Variants in AIMP2 observed in about 807,000 individuals in gnomAD.
AIMP2 encodes aminoacyl tRNA synthetase complex interacting multifunctional protein 2.
Under a neutral mutation model 23.4 loss-of-function variants are expected in AIMP2, and 20 were observed. The observed-to-expected ratio is 0.85, with a 90% confidence interval of 0.60 to 1.24. The LOEUF (loss-of-function observed/expected upper bound fraction) is 1.24. Ranked by LOEUF, AIMP2 falls within the 50% of genes most tolerant of loss-of-function variation. AIMP2 has a pLI of 0.00. For synonymous variants in AIMP2, 210 were observed against 170.4 expected (o/e 1.23, Z -1.81); for missense variants, 515 against 414.5 (o/e 1.24, Z -2.10).
chr7:6,011,150 T>C (rs1414883994), intron 1 of AIMP2, among the ~76,000 whole-genome samples: 1 of 152,188 alleles, frequency 6.6e-6, no homozygotes, highest in Non-Finnish European at 1.5e-5. Flanking sequence ...CTGCAGTGAA[T>C]ACTCTTATAC....
At chr7:6,022,077 TATC>T (rs1333253640) in intron 3 of AIMP2, among the ~76,000 whole-genome samples, 1 of 151,898 alleles carries the variant, frequency 6.6e-6, no homozygotes, top group Non-Finnish European at 1.5e-5. Context: ...GTAAATTCAT[TATC>T]ATTTTCTTTT....
rs1490385831 is a variant in AIMP2 at position 6,009,290 on chromosome 7, C to T, written c.-74C>T. 1.4e-5 allele frequency: 22 copies of T among 1,608,622 alleles called. No homozygotes were observed. The Admixed American group carries it at 3.5e-4, about 26-fold the overall frequency. On this transcript the variant is annotated 5_prime_UTR_variant, in exon 1 of 4. Transcript: ENST00000223029. ...CAGGGTCAGAAGGGAGGTGGCCGGT[C>T]TCCGTCGTGACCTCTGACGGTTTCT...
chr7:6,015,015 C>T (rs778087680), intron 1 of AIMP2, 131 bp from the exon 2 acceptor site: 2 of 1,533,100 alleles, frequency 1.3e-6, no homozygotes, highest in Non-Finnish European at 1.8e-6. Context: ...CCACCACACC[C>T]AGCCCATAAT....
chr7:6,023,679 G>T lies in AIMP2; in HGVS notation c.951G>T (p.Lys317Asn). 6.2e-7 allele frequency: 1 copy of T among 1,614,136 alleles called. No individual in the cohort carries two copies. The highest frequency in any genetic ancestry group is 8.5e-7 in the Non-Finnish European group (1 of 1,180,022). Residue 317 changes from lysine (K) to asparagine (N), a missense_variant, in exon 4 of 4, where the codon AAG becomes AAT. Transcript: ENST00000223029. ...ENLAPFNTAL[K>N]LLK ...TGGCTCCTTTTAACACGGCCCTCAA[G>T]CTCCTTAAGTGAATTGCCGTAACTG...
In AIMP2 at chr7:6,009,976, T is replaced by TTA. The variant is rs1583441847; in HGVS notation, c.135+478_135+479insTA. On this transcript the variant is annotated intron_variant, in intron 1 of 3. Coordinates refer to ENST00000223029, the MANE Select transcript of AIMP2 (RefSeq NM_006303.4). ...AAAAAAAAAAAAAAAAAAAAAAAAA[T>TTA]ATATATATATATATATGTATGTATC... 6.5e-5 allele frequency among the ~76,000 whole-genome samples: 3 copies of TTA among 46,346 alleles called. No individual in the cohort carries two copies. The East Asian group carries it at 3.1e-3, about 48-fold the overall frequency. The allele number at this position is 46,346 out of a possible 152,430, so 30.4% of individuals were successfully genotyped here.
chr7:6,017,782 G>C (rs1024308605), intron 2 of AIMP2, 32 bp from the exon 3 acceptor site: 2 of 1,589,380 alleles, frequency 1.3e-6, no homozygotes, highest in African/African-American at 1.3e-5. Flanking sequence ...TCCGATGACT[G>C]TTATTCGTAC....
intron 3 of AIMP2, among the ~76,000 whole-genome samples, chr7:6,019,542 A>G (rs1052230359): frequency 6.6e-6 from 1 of 151,418 alleles, no homozygotes; most frequent in East Asian, 1.9e-4. Context: ...TCCATCGTGC[A>G]TTGCCATAAA....
At chr7:6,018,898 T>G (rs1298817487) in intron 3 of AIMP2, among the ~76,000 whole-genome samples, 1 of 151,848 alleles carries the variant, frequency 6.6e-6, no homozygotes, top group African/African-American at 2.4e-5. Context: ...AATATTTACA[T>G]ACTAGTCTAT....
rs766404549 is a variant in AIMP2 at position 6,015,325 on chromosome 7, G to T, written c.315G>T (p.Ala105=). 6.2e-7 allele frequency: 1 copy of T among 1,614,030 alleles called. No individual in the cohort carries two copies. The highest frequency in any genetic ancestry group is 1.3e-5 in the African/African-American group (1 of 74,924). The stretch of plus-strand genomic sequence containing the variant: ...AGCCCACGACTTTAACCACCAATGC[G>T]CTGGACTTGAATTCAGTGCTTGGGA... ...ADEPTTLTTN[A]LDLNSVLGKD... The change falls in exon 2 of 4, where the codon GCG becomes GCT. Residue 105 remains alanine, a synonymous_variant. Transcript: ENST00000223029.
intron 1 of AIMP2, 66 bp downstream of exon 1, chr7:6,009,564 C>CT: frequency 7.4e-7 from 1 of 1,344,700 alleles, no homozygotes; most frequent in Non-Finnish European, 9.5e-7. Flanking sequence ...CGGGTCCCCC[C>CT]AGGCCGGAGC....
chr7:6,018,146 C>CT (rs371698854), intron 3 of AIMP2, 101 bp downstream of exon 3: 48,106 of 579,792 alleles, frequency 0.083, 749 homozygotes, highest in African/African-American at 0.11. Flanking sequence ...TTTTCTTTTT[C>CT]TTTTTTTTTT....
intron 3 of AIMP2, among the ~76,000 whole-genome samples, chr7:6,021,320 CAG>C (rs1318394413): frequency 8.4e-6 from 1 of 118,440 alleles, no homozygotes; most frequent in East Asian, 2.4e-4. Flanking sequence ...GCCTGGGTGA[CAG>C]AGCAAGACTC....
At chr7:6,012,759 ATGT>A (rs1189015333) in intron 1 of AIMP2, 38 of 848,970 alleles carry the variant, frequency 4.5e-5, no homozygotes, top group East Asian at 8.5e-5. Flanking sequence ...GAGTTTCATC[ATGT>A]TGTCCTCTCG....
chr7:6,011,763 C>A (rs1786705965), intron 1 of AIMP2, among the ~76,000 whole-genome samples: 1 of 152,148 alleles, frequency 6.6e-6, no homozygotes. Context: ...CTGCACAGTC[C>A]CATGAAGCCA....
chr7:6,022,499 A>C (rs922464168), intron 3 of AIMP2: 1 of 152,140 alleles, frequency 6.6e-6, no homozygotes, highest in Non-Finnish European at 1.5e-5. Context: ...CATGGTTTTG[A>C]TAAGAGGCAG....
chr7:6,009,917 C>A (rs1313297294), intron 1 of AIMP2, among the ~76,000 whole-genome samples: 1 of 125,196 alleles, frequency 8.0e-6, no homozygotes, highest in Non-Finnish European at 1.6e-5. Flanking sequence ...CCATTGCACT[C>A]GAGCCTGGGC....
At chr7:6,019,112 C>G (rs1787221352) in intron 3 of AIMP2, among the ~76,000 whole-genome samples, 1 of 151,696 alleles carries the variant, frequency 6.6e-6, no homozygotes, top group African/African-American at 2.4e-5. Flanking sequence ...AATTTCACAG[C>G]CGCCTCCAGC....
At chr7:6,014,416 C>T (rs370345360) in intron 1 of AIMP2, among the ~76,000 whole-genome samples, 1 of 151,882 alleles carries the variant, frequency 6.6e-6, no homozygotes, top group Admixed American at 6.6e-5. Context: ...CACTACCACA[C>T]CTGGCTTATT....
At chr7:6,009,586 A>AACCGGTTCACGGCCCC in intron 1 of AIMP2, 88 bp downstream of exon 1, 1 of 1,248,872 alleles carries the variant, frequency 8.0e-7, no homozygotes, top group East Asian at 3.2e-5. Context: ...AGCGCGTCCC[A>AACCGGTTCACGGCCCC]ACCGGTTCAC....
Sources: allele counts gnomAD v4.1 joint callset (sites outside exome capture counted in the v4.1 genomes callset), GRCh38; gene constraint gnomAD v4.1.1; transcripts MANE v1.5; gene names NCBI Gene and HGNC (gene_info 2026-07-23, HGNC 2026-07-21).